CEP162: variants seen among roughly 807,000 people sequenced by gnomAD.
The protein encoded by CEP162 is centrosomal protein of 162 kDa.
A neutral mutation model predicts 169.2 loss-of-function variants in CEP162; 141 were observed. That is an observed-to-expected ratio of 0.83 (90% CI 0.73 to 0.96). The LOEUF (loss-of-function observed/expected upper bound fraction) is 0.96. Among genes scored for constraint, CEP162 ranks in the 40% least tolerant of loss-of-function variants. CEP162 has a pLI of 0.00. For synonymous variants in CEP162, 540 were observed against 526.4 expected (o/e 1.03, Z -0.35); for missense variants, 1,600 against 1,587.2 (o/e 1.01, Z -0.14).
chr6:84,182,389 CTAAAAA>C (rs1391663166), intron 13 of CEP162, among the ~76,000 whole-genome samples: 2 of 151,828 alleles, frequency 1.3e-5, no homozygotes, highest in Non-Finnish European at 2.9e-5. Flanking sequence ...AATACTTAGT[CTAAAAA>C]TAAAAACACA....
chr6:84,175,059 T>G, intron 14 of CEP162, 105 bp from the exon 15 acceptor site: 1 of 932,064 alleles, frequency 1.1e-6, no homozygotes, highest in Non-Finnish European at 1.6e-6. Flanking sequence ...AATAATGTTC[T>G]ATTATATAAG....
intron 6 of CEP162, among the ~76,000 whole-genome samples, chr6:84,204,531 G>C (rs182583053): frequency 6.6e-6 from 1 of 152,134 alleles, no homozygotes; most frequent in Non-Finnish European, 1.5e-5. Context: ...TGAAACCAAT[G>C]AGAACAAAGA....
chr6:84,217,519 G>C (rs1178656082), intron 3 of CEP162, among the ~76,000 whole-genome samples: 1 of 152,142 alleles, frequency 6.6e-6, no homozygotes, highest in Non-Finnish European at 1.5e-5. Flanking sequence ...ATAGAAAGGA[G>C]GCCAGTGTAG....
chr6:84,180,282 C>CA (rs2099534216), intron 13 of CEP162, among the ~76,000 whole-genome samples: 1 of 152,052 alleles, frequency 6.6e-6, no homozygotes, highest in South Asian at 2.1e-4. Context: ...AGGCCTTTGA[C>CA]AAAATTCAAC....
chr6:84,203,628 T>G (rs1456853081), intron 7 of CEP162, among the ~76,000 whole-genome samples: 6 of 152,092 alleles, frequency 3.9e-5, no homozygotes, highest in African/African-American at 1.4e-4. Flanking sequence ...AAAAATTTAA[T>G]TTTTGGAGAG....
At chr6:84,184,906 C>T (rs2099536428) in intron 13 of CEP162, among the ~76,000 whole-genome samples, 1 of 151,912 alleles carries the variant, frequency 6.6e-6, no homozygotes, top group African/African-American at 2.4e-5. Flanking sequence ...GTCAAATCTA[C>T]TCAGTCATAG....
Position 84,125,094 on chromosome 6 carries a change from A to G in CEP162, c.4188T>C (p.Asp1396=). 2 of 1,612,950 alleles carry G rather than the reference A, an allele frequency of 1.2e-6. No individual in the cohort carries two copies. Among genetic ancestry groups the G allele is most frequent in the South Asian group, 1.1e-5 (1 of 90,956 alleles). ...QGVVVPVAFA[D]EMNAPEY ...ATTAATACTCTGGTGCATTCATTTC[A>G]TCTGCAAAAGCAACTGGCACAACCA... The change falls in exon 27 of 27, where the codon GAT becomes GAC. Residue 1396 remains aspartate (D), a synonymous_variant. Transcript: ENST00000403245.
At chr6:84,161,045 T>C in intron 20 of CEP162, 129 bp from the exon 21 acceptor site, 1 of 665,296 alleles carries the variant, frequency 1.5e-6, no homozygotes, top group Non-Finnish European at 2.6e-6. Context: ...AATTAATTCC[T>C]CAAATTCTTT....
At chr6:84,140,925 G>A (rs1467527918) in intron 25 of CEP162, among the ~76,000 whole-genome samples, 2 of 152,230 alleles carry the variant, frequency 1.3e-5, no homozygotes, top group South Asian at 2.1e-4. Flanking sequence ...ATTCTTCCAC[G>A]GAAAGAGGGA....
intron 23 of CEP162, among the ~76,000 whole-genome samples, chr6:84,150,734 A>G (rs2099520772): frequency 6.6e-6 from 1 of 152,186 alleles, no homozygotes. Flanking sequence ...GATTCTTCTT[A>G]AAGAGCTTCA....
rs577399514 is a variant in CEP162 at position 84,199,010 on chromosome 6, G to A, written c.835+1779C>T. Among the ~76,000 whole-genome samples, 4 of 152,196 alleles carry A rather than the reference G, an allele frequency of 2.6e-5. No homozygotes were observed. The East Asian group carries it at 7.7e-4, about 29-fold the overall frequency. On this transcript the variant is annotated intron_variant, in intron 9 of 26. Transcript: ENST00000403245. Reference sequence around the variant, plus strand: ...AATAATTTTTGCTTTCTTTTTTACTGGTTTTAATGCTCATCTCAGAATAAA... The same window carrying A: ...AATAATTTTTGCTTTCTTTTTTACTAGTTTTAATGCTCATCTCAGAATAAA...
At chr6:84,217,701 T>A (rs1164724723) in intron 3 of CEP162, 1 of 152,322 alleles carries the variant, frequency 6.6e-6, no homozygotes, top group Non-Finnish European at 1.5e-5. Context: ...TTTTTTGGTG[T>A]AAACAAGTTT....
chr6:84,202,559 G>A (rs1287755775), intron 7 of CEP162, among the ~76,000 whole-genome samples: 3 of 117,348 alleles, frequency 2.6e-5, no homozygotes, highest in South Asian at 2.6e-4. Flanking sequence ...ACAGGGTTGC[G>A]CTCTGTTGCC....
At chr6:84,161,011 T>C (rs1405454416) in intron 20 of CEP162, 95 bp from the exon 21 acceptor site, 13 of 841,796 alleles carry the variant, frequency 1.5e-5, no homozygotes, top group Non-Finnish European at 2.3e-5. Flanking sequence ...CATACATTTA[T>C]TAATTCCTCA....
Position 84,192,897 on chromosome 6 carries a change from T to G in CEP162, c.1109+712A>C, listed in dbSNP as rs146502424. ...CCATGGAGATGCTGTAAGGTTAAAT[T>G]AAATAATATACGTATAGTATGTGCC... On this transcript the variant is annotated intron_variant, in intron 11 of 26. Transcript: ENST00000403245. Among the ~76,000 whole-genome samples, 524 of 152,334 alleles carry G rather than the reference T, an allele frequency of 3.4e-3. 3 individuals are homozygous for G. The highest frequency in any genetic ancestry group is 0.012 in the African/African-American group (482 of 41,570).
chr6:84,227,302 T>G (rs1351114337), intron 1 of CEP162, among the ~76,000 whole-genome samples: 2 of 152,142 alleles, frequency 1.3e-5, no homozygotes, highest in East Asian at 3.9e-4. Flanking sequence ...TCCCCTCATT[T>G]GCACTTTCGA....
chr6:84,145,171 A>T lies in CEP162; in HGVS notation c.3870+1516T>A, dbSNP rs550751462. On this transcript the variant is annotated intron_variant, in intron 25 of 26. Transcript: ENST00000403245. The stretch of plus-strand genomic sequence containing the variant: ...TCCTTATAGATGAGTAAGAAATGTC[A>T]CTTCCTGGCAAGCCCAGGAGCCTCA... Among the ~76,000 whole-genome samples, 5 of 152,270 alleles carry T rather than the reference A, an allele frequency of 3.3e-5. No homozygotes were observed. The South Asian group carries it at 1.0e-3, about 32-fold the overall frequency.
At chr6:84,213,060 T>C in intron 5 of CEP162, 36 bp from the exon 6 acceptor site, 2 of 1,260,066 alleles carry the variant, frequency 1.6e-6, no homozygotes, top group Non-Finnish European at 2.2e-6. Context: ...GCATTACATG[T>C]TAAAAACATA....
In CEP162 at chr6:84,203,975, A is replaced by G; in HGVS notation, c.687+6T>C. 1 of 1,572,286 alleles carries G rather than the reference A, an allele frequency of 6.4e-7. No homozygotes were observed. The highest frequency in any genetic ancestry group is 1.4e-5 in the African/African-American group (1 of 73,706). On this transcript the variant is annotated splice_donor_region_variant and intron_variant, in intron 7 of 26. Coordinates refer to ENST00000403245, the MANE Select transcript of CEP162 (RefSeq NM_014895.4). ...AAACTGTCAAATATATAATTGATAT[A>G]TATACCTGTTTGGGCACACTTATTT...
Sources: allele counts gnomAD v4.1 joint callset (sites outside exome capture counted in the v4.1 genomes callset), GRCh38; gene constraint gnomAD v4.1.1; transcripts MANE v1.5; gene names NCBI Gene and HGNC (gene_info 2026-07-23, HGNC 2026-07-21).